Variants in ZNF710 observed in about 807,000 individuals in gnomAD.
ZNF710 encodes zinc finger protein 710.
In ZNF710, 13 loss-of-function variants were observed where a neutral mutation model predicts 50.6. The ratio of observed to expected loss-of-function variants is 0.26; its 90% confidence interval spans 0.17 to 0.41. ZNF710 has a LOEUF of 0.41. ZNF710 is among the 10% of genes least tolerant of loss of function. ZNF710 has a pLI of 1.00. For missense variants in ZNF710, 721 were observed against 936.6 expected, an observed-to-expected ratio of 0.77 and a Z score of 3.01; for synonymous variants, 383 against 397.0, an observed-to-expected ratio of 0.96 and a Z score of 0.42.
Position 90,001,335 on chromosome 15 carries a change from T to C in ZNF710, c.-308T>C, listed in dbSNP as rs1217012267. Reference sequence around the variant, plus strand: ...TCTGTCTCTCTCTTCCTCTGCGAGCTGGCTTAGGAGGAGCTGTTTTGCATC... The same window carrying C: ...TCTGTCTCTCTCTTCCTCTGCGAGCCGGCTTAGGAGGAGCTGTTTTGCATC... On this transcript the variant is annotated 5_prime_UTR_variant, in exon 1 of 5. Coordinates refer to ENST00000268154, the MANE Select transcript of ZNF710 (RefSeq NM_198526.4). The C allele has an allele frequency of 1.3e-5, 2 of 152,116 alleles. No homozygotes were observed. The highest frequency in any genetic ancestry group is 4.8e-5 in the African/African-American group (2 of 41,428). 9.4% of individuals were successfully genotyped at this position (152,116 alleles called of 1,614,324 possible). A position where few individuals can be genotyped will look rare whatever the true frequency, so the allele number is the denominator to read the frequency against.
intron 1 of ZNF710, among the ~76,000 whole-genome samples, chr15:90,029,776 G>A (rs936865965): frequency 5.9e-5 from 9 of 151,614 alleles, no homozygotes; most frequent in East Asian, 2.0e-4. Context: ...CACCATGCCC[G>A]GCTAATTTTT....
chr15:90,003,254 C>T (rs762972667), intron 1 of ZNF710, among the ~76,000 whole-genome samples: 7 of 152,182 alleles, frequency 4.6e-5, no homozygotes, highest in Non-Finnish European at 7.3e-5. Flanking sequence ...AGGCCGAGTG[C>T]CCACCTGCAA....
Position 90,062,945 on chromosome 15 carries a change from G to A in ZNF710, c.-28-4165G>A, listed in dbSNP as rs1398720652. Among the ~76,000 whole-genome samples, 2 of 152,198 alleles carry A rather than the reference G, an allele frequency of 1.3e-5. No homozygotes were observed. Among genetic ancestry groups the A allele is most frequent in the East Asian group, 3.9e-4 (2 of 5,182 alleles). On this transcript the variant is annotated intron_variant, in intron 1 of 4. Transcript: ENST00000268154. The surrounding 1 kb of genome is among the most constrained non-coding windows in gnomAD (Gnocchi z 5.6). Reference sequence around the variant, plus strand: ...CACAAAGAGAGCATTACAGGGTGGTGTGTGTTCTACTCAGCCAAGTCTCCA... The same window carrying A: ...CACAAAGAGAGCATTACAGGGTGGTATGTGTTCTACTCAGCCAAGTCTCCA...
chr15:90,048,587 C>A (rs1244723581), intron 1 of ZNF710, among the ~76,000 whole-genome samples: 1 of 152,210 alleles, frequency 6.6e-6, no homozygotes, highest in Non-Finnish European at 1.5e-5. Context: ...TCTGACCCAT[C>A]TGAGCTGCGT....
At chr15:90,009,925 C>T (rs750148622) in intron 1 of ZNF710, among the ~76,000 whole-genome samples, 9 of 152,210 alleles carry the variant, frequency 5.9e-5, no homozygotes, top group Middle Eastern at 3.4e-3. Context: ...CCTGACTGCC[C>T]GGTGGCCCAT....
Position 90,081,121 on chromosome 15 carries a change from C to T in ZNF710, c.*1292C>T, listed in dbSNP as rs932042893. 3.9e-5 allele frequency: 6 copies of T among 152,230 alleles called. No homozygotes were observed. Among genetic ancestry groups the T allele is most frequent in the Admixed American group, 6.5e-5 (1 of 15,282 alleles). The allele number at this position is 152,230 out of a possible 1,614,324, so 9.4% of individuals were successfully genotyped here. A position where few individuals can be genotyped will look rare whatever the true frequency, so the allele number is the denominator to read the frequency against. Reference sequence around the variant, plus strand: ...GAGCTGGGAAGCCCTCCACCCCTGCCTGGCTCCTGCAGTCGCTGACTTGCT... The same window carrying T: ...GAGCTGGGAAGCCCTCCACCCCTGCTTGGCTCCTGCAGTCGCTGACTTGCT... On this transcript the variant is annotated 3_prime_UTR_variant, in exon 5 of 5. Coordinates refer to ENST00000268154, the MANE Select transcript of ZNF710 (RefSeq NM_198526.4).
At chr15:90,055,473 G>A (rs1899783101) in intron 1 of ZNF710, among the ~76,000 whole-genome samples, 1 of 152,234 alleles carries the variant, frequency 6.6e-6, no homozygotes, top group Non-Finnish European at 1.5e-5. Flanking sequence ...ACAAGTTCTG[G>A]AGGCCCTTGG....
chr15:90,040,553 G>A lies in ZNF710; in HGVS notation c.-28-26557G>A, dbSNP rs193107891. On this transcript the variant is annotated intron_variant, in intron 1 of 4. Transcript: ENST00000268154. The surrounding 1 kb of genome is among the most constrained non-coding windows in gnomAD (Gnocchi z 4.6). ...TGCTCCGGGAGTTCACAGTGATCCC[G>A]ATTTGACTTCACAGTGACTCCTTTA... is the stretch of plus-strand genomic sequence containing the variant. 1.3e-5 allele frequency among the ~76,000 whole-genome samples: 2 copies of A among 152,306 alleles called. No homozygotes were observed. Among genetic ancestry groups the A allele is most frequent in the African/African-American group, 4.8e-5 (2 of 41,546 alleles).
chr15:90,037,834 C>T (rs1389092264), intron 1 of ZNF710, among the ~76,000 whole-genome samples: 4 of 152,184 alleles, frequency 2.6e-5, no homozygotes. Context: ...AGCAGTGGGC[C>T]TAAGCATAGA....
At chr15:90,041,730 G>A (rs1899300185) in intron 1 of ZNF710, among the ~76,000 whole-genome samples, 1 of 152,024 alleles carries the variant, frequency 6.6e-6, no homozygotes, top group Non-Finnish European at 1.5e-5. Flanking sequence ...ACCGAGTCTT[G>A]TGCACTGCTA....
At chr15:90,057,871 C>G (rs980066792) in intron 1 of ZNF710, among the ~76,000 whole-genome samples, 1 of 152,044 alleles carries the variant, frequency 6.6e-6, no homozygotes, top group Non-Finnish European at 1.5e-5. Flanking sequence ...CTCTGTGGAC[C>G]CAGGGTCTCT....
intron 1 of ZNF710, among the ~76,000 whole-genome samples, chr15:90,002,082 C>A (rs2151452592): frequency 6.6e-6 from 1 of 151,358 alleles, no homozygotes; most frequent in South Asian, 2.1e-4. Context: ...CTCTCGGGCC[C>A]GCACGTGGGT....
chr15:90,050,109 G>C (rs1899593005), intron 1 of ZNF710, among the ~76,000 whole-genome samples: 1 of 152,244 alleles, frequency 6.6e-6, no homozygotes. Flanking sequence ...TGCACCAGCT[G>C]TCCCTCCCCC....
In ZNF710 at chr15:90,007,751, G is replaced by T. The variant is rs140276818; in HGVS notation, c.-29+6137G>T. Among the ~76,000 whole-genome samples the T allele has an allele frequency of 2.9e-3, 440 of 151,458 alleles. 3 individuals are homozygous for T. The highest frequency in any genetic ancestry group is 0.01 in the African/African-American group (415 of 41,222). On this transcript the variant is annotated intron_variant, in intron 1 of 4. Transcript: ENST00000268154. ...GGTTGCAAAGCCTACCCTAGTAACA[G>T]GGCAAGCAGGACTAGGGGCGAGCTC...
Position 90,038,927 on chromosome 15 carries a change from G to A in ZNF710, c.-28-28183G>A, listed in dbSNP as rs562950858. Among the ~76,000 whole-genome samples, 24 of 152,286 alleles carry A rather than the reference G, an allele frequency of 1.6e-4. 1 individual carries two copies. Among genetic ancestry groups the A allele is most frequent in the Non-Finnish European group, 5.9e-5 (4 of 68,024 alleles). ...TGTCTGTCCCTGTGTGTGTTGTGGGGCATCCTGTCCAGCCACCCAGAAAAA... is the reference window on the plus strand; with the variant it reads ...TGTCTGTCCCTGTGTGTGTTGTGGGACATCCTGTCCAGCCACCCAGAAAAA... On this transcript the variant is annotated intron_variant, in intron 1 of 4. Transcript: ENST00000268154.
At chr15:90,038,294 G>A (rs1899190667) in intron 1 of ZNF710, among the ~76,000 whole-genome samples, 1 of 152,162 alleles carries the variant, frequency 6.6e-6, no homozygotes, top group East Asian at 1.9e-4. Flanking sequence ...TCACCCACGT[G>A]GTGTGTTTCC....
rs1900455567 is a variant in ZNF710 at position 90,073,237 on chromosome 15, C to T, written c.1625C>T (p.Ser542Leu). 5.6e-6 allele frequency: 9 copies of T among 1,613,960 alleles called. No individual in the cohort carries two copies. The highest frequency in any genetic ancestry group is 7.6e-6 in the Non-Finnish European group (9 of 1,179,832). ...CTCAAGACCCACATGATTGTACACTCGCCCGTGAAGCCATTCAAATGCAAG... is the reference window on the plus strand; with the variant it reads ...CTCAAGACCCACATGATTGTACACTTGCCCGTGAAGCCATTCAAATGCAAG... ...QTLKTHMIVH[S>L]PVKPFKCKVC... Residue 542 changes from serine to leucine, a missense_variant, in exon 3 of 5, where the codon TCG becomes TTG. Ser to Leu is a moderately radical substitution (Grantham distance 145). This residue lies in a region of ZNF710 where 326 missense variants were observed against 522.0 expected (regional missense o/e 0.62). Transcript: ENST00000268154.
intron 1 of ZNF710, among the ~76,000 whole-genome samples, chr15:90,047,547 C>T (rs1446547763): frequency 2.6e-5 from 4 of 151,910 alleles, no homozygotes; most frequent in Admixed American, 1.3e-4. Context: ...AATATCACAG[C>T]ATTTTCACAT....
intron 1 of ZNF710, among the ~76,000 whole-genome samples, chr15:90,007,521 C>T (rs1041838916): frequency 1.3e-5 from 2 of 152,022 alleles, no homozygotes; most frequent in Admixed American, 6.6e-5. Flanking sequence ...AGGGAGATTG[C>T]GGCTCTAAGA....
Sources: allele counts gnomAD v4.1 joint callset (sites outside exome capture counted in the v4.1 genomes callset), GRCh38; gene constraint gnomAD v4.1.1; regional missense constraint gnomAD v4.1.1; non-coding constraint Gnocchi (gnomAD v3.1); transcripts MANE v1.5; gene names NCBI Gene and HGNC (gene_info 2026-07-23, HGNC 2026-07-21).